The following SCARA3 variants were observed in gnomAD, a reference collection of about 807,000 sequenced individuals.
The protein encoded by SCARA3 is scavenger receptor class A member 3.
A neutral mutation model predicts 47.0 loss-of-function variants in SCARA3; 39 were observed. That is an observed-to-expected ratio of 0.83 (90% CI 0.64 to 1.08). The LOEUF (loss-of-function observed/expected upper bound fraction) is 1.08, where lower values mean the gene tolerates loss of function less well. Ranked by LOEUF, SCARA3 falls within the 50% of genes least tolerant of loss-of-function variation. The pLI, the probability that SCARA3 is intolerant of heterozygous loss-of-function variation, is 0.00. For synonymous variants in SCARA3, 356 were observed against 334.1 expected, an observed-to-expected ratio of 1.07 and a Z score of -0.71; for missense variants, 724 against 792.3, an observed-to-expected ratio of 0.91 and a Z score of 1.04.
the SCARA3 span, among the ~76,000 whole-genome samples, chr8:27,684,074 A>G: frequency 6.6e-6 from 1 of 152,322 alleles, no homozygotes; most frequent in Non-Finnish European, 1.5e-5. Context: ...ATAGAAAAAA[A>G]CATATGTTTT....
rs146536900 is a variant in SCARA3 at position 27,651,522 on chromosome 8, C to T, written c.121C>T (p.Arg41Cys). ...PCTQKGRPGP[R>C]CSRCQKNLSL... ...GTCCCCCACAGGCCGGCCAGGGCCC[C>T]GCTGCAGCCGCTGCCAGAAGAACCT... The change falls in exon 3 of 6, where the codon CGC becomes TGC. Residue 41 changes from arginine to cysteine, a missense_variant. Arg to Cys is a radical substitution (Grantham distance 180, BLOSUM62 -3). Transcript: ENST00000301904. The T allele has an allele frequency of 1.4e-5, 22 of 1,612,670 alleles. No homozygotes were observed. The highest frequency in any genetic ancestry group is 1.6e-5 in the Non-Finnish European group (19 of 1,179,992).
At chr8:27,703,416 T>G in the SCARA3 span, 1 of 152,362 alleles carries the variant, frequency 6.6e-6, no homozygotes, top group African/African-American at 2.4e-5. Context: ...GAAGTCAGGG[T>G]GAGGCTGGAG....
At chr8:27,686,693 C>A in the SCARA3 span, among the ~76,000 whole-genome samples, 1 of 152,194 alleles carries the variant, frequency 6.6e-6, no homozygotes, top group Non-Finnish European at 1.5e-5. Context: ...ATCCTGCAAA[C>A]CCAGCTCAGA....
the SCARA3 span, among the ~76,000 whole-genome samples, chr8:27,713,935 T>C: frequency 6.6e-6 from 1 of 152,156 alleles, no homozygotes; most frequent in East Asian, 1.9e-4. Context: ...CCTCATGGCT[T>C]GGTGCTGTCT....
At chr8:27,728,778 C>T in the SCARA3 span, among the ~76,000 whole-genome samples, 1 of 152,174 alleles carries the variant, frequency 6.6e-6, no homozygotes, top group East Asian at 1.9e-4. Context: ...AATCCCAACA[C>T]TTTGGGAGGC....
At chr8:27,656,743 T>G in intron 3 of SCARA3, 39 bp from the exon 4 acceptor site, 1 of 1,299,630 alleles carries the variant, frequency 7.7e-7, no homozygotes, top group Non-Finnish European at 1.1e-6. Flanking sequence ...TTCTCTGAGC[T>G]TAGACCCTGC....
intron 1 of SCARA3, among the ~76,000 whole-genome samples, chr8:27,636,330 C>T (rs923584183): frequency 6.6e-6 from 1 of 152,076 alleles, no homozygotes; most frequent in Non-Finnish European, 1.5e-5. Context: ...CTAGCTACTC[C>T]GGAGCCCGAG....
chr8:27,674,033 A>G (rs754387568), downstream of SCARA3, among the ~76,000 whole-genome samples: 8 of 152,086 alleles, frequency 5.3e-5, no homozygotes, highest in Non-Finnish European at 2.9e-5. Context: ...CTACTTTCCT[A>G]TTGGTGAGGG....
intron 5 of SCARA3, among the ~76,000 whole-genome samples, chr8:27,661,444 CA>C (rs1211052510): frequency 6.6e-6 from 1 of 151,886 alleles, no homozygotes; most frequent in Non-Finnish European, 1.5e-5. Context: ...GTAAAGTTAA[CA>C]ATATTTGTGC....
intron 5 of SCARA3, among the ~76,000 whole-genome samples, chr8:27,665,716 C>T: frequency 6.6e-6 from 1 of 152,170 alleles, no homozygotes; most frequent in East Asian, 1.9e-4. Context: ...AATATTAATG[C>T]CTTTCCTGCC....
Position 27,634,004 on chromosome 8 carries a change from G to T in SCARA3, c.-197G>T. ...GCCCGGCGGGGCTTCCCCAGGCTGC[G>T]ACCCCGCGGGACCCTCCACTCCTCC... is the stretch of plus-strand genomic sequence containing the variant. On this transcript the variant is annotated 5_prime_UTR_variant, in exon 1 of 6. Coordinates refer to ENST00000301904, the MANE Select transcript of SCARA3 (RefSeq NM_016240.3). 1 of 316,902 alleles carries T rather than the reference G, an allele frequency of 3.2e-6. No individual in the cohort carries two copies. The highest frequency in any genetic ancestry group is 5.6e-6 in the Non-Finnish European group (1 of 179,178). 19.6% of individuals were successfully genotyped at this position (316,902 alleles called of 1,614,324 possible). A position where few individuals can be genotyped will look rare whatever the true frequency, so the allele number is the denominator to read the frequency against.
chr8:27,640,676 A>G (rs1336573325), intron 1 of SCARA3, among the ~76,000 whole-genome samples: 1 of 151,880 alleles, frequency 6.6e-6, no homozygotes, highest in Non-Finnish European at 1.5e-5. Flanking sequence ...GCTGGTTTTT[A>G]GTTGTTGCTT....
At chr8:27,708,888 T>C in the SCARA3 span, among the ~76,000 whole-genome samples, 1 of 152,180 alleles carries the variant, frequency 6.6e-6, no homozygotes, top group East Asian at 1.9e-4. Context: ...AATGTGAGTT[T>C]CTATTCCCAC....
chr8:27,659,378 T>A lies in SCARA3; in HGVS notation c.1208T>A (p.Val403Asp). ...GAGCTCTACTACCTGAACAAGTCTG[T>A]CTCCATCATGCTGGGCACCACAGAC... ...AEELYYLNKS[V>D]SIMLGTTDLL... The change falls in exon 5 of 6, where the codon GTC (valine) becomes GAC (aspartate). Residue 403 changes from valine (V) to aspartate (D), a missense_variant. Val to Asp is a radical substitution (Grantham distance 152). Transcript: ENST00000301904. 6.2e-7 allele frequency: 1 copy of A among 1,614,076 alleles called. No individual in the cohort carries two copies.
Position 27,659,556 on chromosome 8 carries a change from G to T in SCARA3, c.1369+17G>T. ...TCCTACGAGGTAAGAGCTGGGTCCA[G>T]GTAGGGCTGCTACAAAGCTTCCACT... is the stretch of plus-strand genomic sequence containing the variant. On this transcript the variant is annotated intron_variant, in intron 5 of 5. Coordinates refer to ENST00000301904, the MANE Select transcript of SCARA3 (RefSeq NM_016240.3). 6.3e-7 allele frequency: 1 copy of T among 1,575,204 alleles called. No homozygotes were observed. Among genetic ancestry groups the T allele is most frequent in the South Asian group, 1.2e-5 (1 of 84,908 alleles).
chr8:27,724,715 T>C, the SCARA3 span, among the ~76,000 whole-genome samples: 1 of 152,104 alleles, frequency 6.6e-6, no homozygotes, highest in Non-Finnish European at 1.5e-5. Flanking sequence ...AAGTAATGGA[T>C]TAACCTCAGT....
upstream of SCARA3, among the ~76,000 whole-genome samples, chr8:27,633,641 C>A (rs1381705893): frequency 1.3e-5 from 2 of 152,118 alleles, no homozygotes; most frequent in Admixed American, 6.5e-5. Flanking sequence ...GGGAGGACGC[C>A]GCGGGAGCCC....
At chr8:27,704,706 C>T in the SCARA3 span, among the ~76,000 whole-genome samples, 4 of 140,128 alleles carry the variant, frequency 2.9e-5, no homozygotes, top group South Asian at 2.2e-4. Flanking sequence ...ATTCACAGAG[C>T]GTCTGCAATG....
chr8:27,713,916 G>A, the SCARA3 span, among the ~76,000 whole-genome samples: 4 of 152,110 alleles, frequency 2.6e-5, no homozygotes, highest in Non-Finnish European at 5.9e-5. Context: ...GGGGTCATGG[G>A]GGCAGCTCCC....
Sources: allele counts gnomAD v4.1 joint callset (sites outside exome capture counted in the v4.1 genomes callset), GRCh38; gene constraint gnomAD v4.1.1; transcripts MANE v1.5; gene names NCBI Gene and HGNC (gene_info 2026-07-23, HGNC 2026-07-21).